Variants in RASSF9 observed in about 807,000 individuals in gnomAD.
RASSF9 encodes the protein Ras association domain family member 9, also known as ras association domain-containing protein 9.
RASSF9 carries 18 observed loss-of-function variants against 21.4 expected under a neutral mutation model. That is an observed-to-expected ratio of 0.84 (90% confidence interval 0.58 to 1.25). The LOEUF (loss-of-function observed/expected upper bound fraction) is 1.25. Among genes scored for constraint, RASSF9 ranks in the 50% most tolerant of loss-of-function variants. The probability of loss-of-function intolerance (pLI) is 0.00; values close to 1 mark genes in which losing one functional copy is unlikely to be tolerated. For synonymous variants in RASSF9, 183 were observed against 179.1 expected (o/e 1.02, Z -0.18); for missense variants, 480 against 503.2 (o/e 0.95, Z 0.44).
Position 85,804,637 on chromosome 12 carries a change from G to C in RASSF9, c.*65C>G. 2 of 1,404,810 alleles carry C rather than the reference G, an allele frequency of 1.4e-6. No homozygotes were observed. The highest frequency in any genetic ancestry group is 1.9e-6 in the Non-Finnish European group (2 of 1,045,114). The allele number at this position is 1,404,810 out of a possible 1,614,324, so 87.0% of individuals were successfully genotyped here. On this transcript the variant is annotated 3_prime_UTR_variant, in exon 2 of 2. Transcript: ENST00000361228. ...TTTTTTTGAGTGTTATATTTAAAAT[G>C]AGGTTTCCTATTAAATTAAACAAAC...
intron 1 of RASSF9, among the ~76,000 whole-genome samples, chr12:85,816,823 T>G (rs537292699): frequency 6.6e-6 from 1 of 152,158 alleles, no homozygotes; most frequent in Non-Finnish European, 1.5e-5. Context: ...CCTTTCTAGA[T>G]AGAACATCTT....
At chr12:85,824,541 A>T (rs762718298) in intron 1 of RASSF9, among the ~76,000 whole-genome samples, 1 of 152,116 alleles carries the variant, frequency 6.6e-6, no homozygotes, top group Non-Finnish European at 1.5e-5. Context: ...TTAAACTGCA[A>T]ATCTATTTTT....
At chr12:85,833,711 C>A (rs1880502136) in intron 1 of RASSF9, among the ~76,000 whole-genome samples, 1 of 151,872 alleles carries the variant, frequency 6.6e-6, no homozygotes, top group African/African-American at 2.4e-5. Context: ...GATAAAGATG[C>A]AATTATGCTC....
intron 1 of RASSF9, among the ~76,000 whole-genome samples, chr12:85,821,317 C>T (rs917366415): frequency 1.3e-5 from 2 of 152,094 alleles, no homozygotes; most frequent in African/African-American, 4.8e-5. Flanking sequence ...TAATTTTACA[C>T]AGTATGTGGC....
intron 1 of RASSF9, among the ~76,000 whole-genome samples, chr12:85,816,998 C>A (rs1453570782): frequency 6.6e-6 from 1 of 151,940 alleles, no homozygotes; most frequent in Non-Finnish European, 1.5e-5. Context: ...GGAATGGGAG[C>A]TATAAAACAA....
intron 1 of RASSF9, among the ~76,000 whole-genome samples, chr12:85,815,711 C>T (rs1880049000): frequency 7.9e-6 from 1 of 126,008 alleles, no homozygotes; most frequent in Non-Finnish European, 1.7e-5. Context: ...ACCTTTAATT[C>T]ATATGACGCA....
At chr12:85,823,966 G>A (rs1047964160) in intron 1 of RASSF9, among the ~76,000 whole-genome samples, 7 of 152,142 alleles carry the variant, frequency 4.6e-5, no homozygotes, top group African/African-American at 7.2e-5. Flanking sequence ...CTAGGTTTTC[G>A]ACTGTGACTC....
intron 1 of RASSF9, among the ~76,000 whole-genome samples, chr12:85,829,105 G>C (rs1260228333): frequency 2.6e-5 from 4 of 152,130 alleles, no homozygotes; most frequent in Non-Finnish European, 4.4e-5. Context: ...AAGGATCAGA[G>C]TAAATAAGGA....
chr12:85,822,566 A>G (rs949089719), intron 1 of RASSF9, among the ~76,000 whole-genome samples: 5 of 152,296 alleles, frequency 3.3e-5, no homozygotes, highest in African/African-American at 1.2e-4. Flanking sequence ...AAAAGGAGAG[A>G]TATTATTCTT....
At chr12:85,811,719 A>G (rs1321355889) in intron 1 of RASSF9, among the ~76,000 whole-genome samples, 2 of 151,834 alleles carry the variant, frequency 1.3e-5, no homozygotes, top group Admixed American at 6.6e-5. Context: ...ATAGCTTATT[A>G]TCCATGAACT....
intron 1 of RASSF9, among the ~76,000 whole-genome samples, chr12:85,813,647 A>G (rs117403783): frequency 6.6e-6 from 1 of 151,900 alleles, no homozygotes; most frequent in Non-Finnish European, 1.5e-5. Flanking sequence ...CTGGAAAATC[A>G]ATCAAAGAGC....
intron 1 of RASSF9, among the ~76,000 whole-genome samples, chr12:85,828,284 C>A (rs980281073): frequency 2.0e-5 from 3 of 151,892 alleles, no homozygotes; most frequent in Admixed American, 2.0e-4. Flanking sequence ...AATAGGTTTT[C>A]TAGTATCTAA....
At chr12:85,820,874 G>C (rs775452011) in intron 1 of RASSF9, among the ~76,000 whole-genome samples, 1 of 152,070 alleles carries the variant, frequency 6.6e-6, no homozygotes, top group South Asian at 2.1e-4. Context: ...GGCCGGGCGC[G>C]GTGGCTCATG....
chr12:85,810,403 A>G (rs1350460452), intron 1 of RASSF9, among the ~76,000 whole-genome samples: 1 of 151,924 alleles, frequency 6.6e-6, no homozygotes, highest in Non-Finnish European at 1.5e-5. Context: ...TCTAGCGCTA[A>G]ATTCCTTATT....
chr12:85,826,857 AAAATT>A (rs1880345933), intron 1 of RASSF9, among the ~76,000 whole-genome samples: 1 of 152,214 alleles, frequency 6.6e-6, no homozygotes, highest in Admixed American at 6.5e-5. Flanking sequence ...AATATAAAGA[AAAATT>A]AAATTAAATT....
At chr12:85,834,956 A>G (rs1694835785) in intron 1 of RASSF9, among the ~76,000 whole-genome samples, 1 of 152,132 alleles carries the variant, frequency 6.6e-6, no homozygotes, top group South Asian at 2.1e-4. Context: ...TCAAATTATT[A>G]GAAAATAAAG....
intron 1 of RASSF9, among the ~76,000 whole-genome samples, chr12:85,815,855 C>T (rs946137045): frequency 2.0e-5 from 3 of 151,864 alleles, no homozygotes; most frequent in Admixed American, 2.0e-4. Context: ...AATGCATGTA[C>T]ATACGCATAT....
intron 1 of RASSF9, among the ~76,000 whole-genome samples, chr12:85,828,405 C>T (rs1034362589): frequency 2.6e-5 from 4 of 151,950 alleles, no homozygotes; most frequent in African/African-American, 9.7e-5. Context: ...GTGGTAGATA[C>T]CTCATTTACC....
chr12:85,806,627 T>C, intron 1 of RASSF9, among the ~76,000 whole-genome samples: 1 of 131,934 alleles, frequency 7.6e-6, no homozygotes, highest in African/African-American at 2.9e-5. Context: ...GAGTGGAGAT[T>C]GTGCCACTGC....
Sources: allele counts gnomAD v4.1 joint callset (sites outside exome capture counted in the v4.1 genomes callset), GRCh38; gene constraint gnomAD v4.1.1; transcripts MANE v1.5; gene names NCBI Gene and HGNC (gene_info 2026-07-23, HGNC 2026-07-21).